CCDC172: variants seen among roughly 807,000 people sequenced by gnomAD.
CCDC172 encodes the protein coiled-coil domain containing 172.
Under a neutral mutation model 38.0 loss-of-function variants are expected in CCDC172, and 30 were observed. The observed-to-expected ratio is 0.79, with a 90% CI of 0.59 to 1.07. The LOEUF is 1.07. Ranked by LOEUF, CCDC172 falls within the 50% of genes least tolerant of loss-of-function variation. The probability of loss-of-function intolerance (pLI) is 0.00; values close to 1 mark genes in which losing one functional copy is unlikely to be tolerated. For synonymous variants in CCDC172, 78 were observed against 88.3 expected, an observed-to-expected ratio of 0.88 and a Z score of 0.66; for missense variants, 297 against 290.1, an observed-to-expected ratio of 1.02 and a Z score of -0.17.
chr10:116,354,197 C>T lies in CCDC172; in HGVS notation c.449-3183C>T, dbSNP rs566548980. Among the ~76,000 whole-genome samples the T allele has an allele frequency of 9.2e-5, 14 of 152,216 alleles. No individual in the cohort carries two copies. The South Asian group carries it at 2.9e-3, about 32-fold the overall frequency. On this transcript the variant is annotated intron_variant, in intron 5 of 8. Coordinates refer to ENST00000333254, the MANE Select transcript of CCDC172 (RefSeq NM_198515.3). ...TCGCAGTGTAAACAAACCTATTGTG[C>T]TGCCAGTCATATAAAAGTATAGCAC...
chr10:116,340,982 A>G, intron 4 of CCDC172, 132 bp downstream of exon 4: 1 of 657,732 alleles, frequency 1.5e-6, no homozygotes, highest in East Asian at 2.8e-5. Context: ...ACAGGAAAGT[A>G]TTAAGTGCTA....
At chr10:116,327,104 C>T (rs2568922) in intron 3 of CCDC172, among the ~76,000 whole-genome samples, 38,598 of 152,024 alleles carry the variant, frequency 0.25, 5,057 homozygotes, top group South Asian at 0.41. Context: ...GTATTAACTC[C>T]TTTAATCCTA....
At chr10:116,365,646 C>T (rs1233860701) in intron 7 of CCDC172, among the ~76,000 whole-genome samples, 1 of 152,052 alleles carries the variant, frequency 6.6e-6, no homozygotes, top group Non-Finnish European at 1.5e-5. Context: ...ATTAAGCATT[C>T]CTTTAGATTT....
chr10:116,334,750 G>A (rs1322306568), intron 3 of CCDC172, among the ~76,000 whole-genome samples: 3 of 151,952 alleles, frequency 2.0e-5, no homozygotes, highest in Non-Finnish European at 2.9e-5. Flanking sequence ...TCAAATTGCT[G>A]TGTCAATGGG....
intron 7 of CCDC172, among the ~76,000 whole-genome samples, chr10:116,361,619 T>C (rs1164523442): frequency 6.6e-6 from 1 of 152,110 alleles, no homozygotes; most frequent in Non-Finnish European, 1.5e-5. Flanking sequence ...AAAAAGGTAG[T>C]ATGGTTTGTG....
chr10:116,329,327 C>A (rs575854518), intron 3 of CCDC172, among the ~76,000 whole-genome samples: 1 of 141,546 alleles, frequency 7.1e-6, no homozygotes, highest in East Asian at 2.3e-4. Flanking sequence ...GGGTGTGAAC[C>A]TTTGTAATGG....
At chr10:116,350,344 A>G (rs1212924305) in intron 5 of CCDC172, among the ~76,000 whole-genome samples, 1 of 152,188 alleles carries the variant, frequency 6.6e-6, no homozygotes, top group African/African-American at 2.4e-5. Flanking sequence ...GATGCAGCAT[A>G]GAAGTGGTAA....
At chr10:116,326,009 G>A (rs1011189580) in intron 3 of CCDC172, among the ~76,000 whole-genome samples, 2 of 152,236 alleles carry the variant, frequency 1.3e-5, no homozygotes, top group Non-Finnish European at 2.9e-5. Context: ...GGAGGAGGCA[G>A]ATATGTGCAG....
At chr10:116,369,942 A>C (rs948036691) in intron 7 of CCDC172, among the ~76,000 whole-genome samples, 1 of 151,772 alleles carries the variant, frequency 6.6e-6, no homozygotes, top group Non-Finnish European at 1.5e-5. Context: ...TATATTTGCA[A>C]CTCTTCATTA....
At chr10:116,336,388 G>T (rs1844734262) in intron 3 of CCDC172, among the ~76,000 whole-genome samples, 1 of 16,072 alleles carries the variant, frequency 6.2e-5, no homozygotes, top group Middle Eastern at 0.021. Context: ...GAGAGGGAGT[G>T]GGGGTGAAAA....
chr10:116,357,846 T>C lies in CCDC172; in HGVS notation c.561T>C (p.Asp187=). Residue 187 remains aspartate, a synonymous_variant, in exon 7 of 9, where the codon GAT becomes GAC. Coordinates refer to ENST00000333254, the MANE Select transcript of CCDC172 (RefSeq NM_198515.3). ...TLQRKLKVFE[D]EENESICTTK... is the part of the protein sequence containing the mutation. ...TTTTGATTTGTTTAGTTTTTGAAGA[T>C]GAAGAGAATGAATCCATTTGTACTA... The C allele has an allele frequency of 1.4e-6, 2 of 1,474,074 alleles. No homozygotes were observed. The highest frequency in any genetic ancestry group is 2.5e-5 in the South Asian group (2 of 81,392). The allele number at this position is 1,474,074 out of a possible 1,614,324, so 91.3% of individuals were successfully genotyped here.
At chr10:116,379,165 A>G (rs1845282704) in intron 8 of CCDC172, among the ~76,000 whole-genome samples, 158 bp from the exon 9 acceptor site, 1 of 151,858 alleles carries the variant, frequency 6.6e-6, no homozygotes, top group African/African-American at 2.4e-5. Context: ...TGTTCAAAAA[A>G]TGTTTCAATA....
chr10:116,335,884 G>T (rs1844725362), intron 3 of CCDC172, among the ~76,000 whole-genome samples: 1 of 151,532 alleles, frequency 6.6e-6, no homozygotes, highest in East Asian at 1.9e-4. Context: ...TATAATAATG[G>T]GGCCAGGTGC....
intron 4 of CCDC172, among the ~76,000 whole-genome samples, chr10:116,341,459 G>C (rs1380049309): frequency 6.6e-6 from 1 of 151,966 alleles, no homozygotes; most frequent in East Asian, 1.9e-4. Context: ...TTGTCAAAGA[G>C]TTTAGGTTTT....
At chr10:116,348,195 G>C (rs1280519614) in intron 5 of CCDC172, among the ~76,000 whole-genome samples, 1 of 151,934 alleles carries the variant, frequency 6.6e-6, no homozygotes, top group African/African-American at 2.4e-5. Flanking sequence ...TGGTGGTGGT[G>C]GTGGTGGAGA....
chr10:116,357,791 A>G, intron 6 of CCDC172, 45 bp from the exon 7 acceptor site: 1 of 1,023,842 alleles, frequency 9.8e-7, no homozygotes, highest in Non-Finnish European at 1.5e-6. Context: ...GATAATCTTT[A>G]TGTTTAATTT....
chr10:116,335,031 T>C (rs1844711804), intron 3 of CCDC172, among the ~76,000 whole-genome samples: 1 of 152,078 alleles, frequency 6.6e-6, no homozygotes, highest in Non-Finnish European at 1.5e-5. Context: ...TTGCAAACTT[T>C]ATTATTTGTA....
At chr10:116,337,143 A>G (rs1472479302) in intron 3 of CCDC172, among the ~76,000 whole-genome samples, 1 of 138,518 alleles carries the variant, frequency 7.2e-6, no homozygotes, top group Non-Finnish European at 1.5e-5. Context: ...AAGCTTGGCT[A>G]TGTGATTCTA....
chr10:116,375,541 C>T (rs1348636876), intron 7 of CCDC172, among the ~76,000 whole-genome samples: 8 of 147,550 alleles, frequency 5.4e-5, no homozygotes, highest in Non-Finnish European at 8.9e-5. Flanking sequence ...TGAGAACATG[C>T]GGTGTTTGGT....
Sources: gnomAD v4.1 joint callset for allele counts (sites outside exome capture counted in the v4.1 genomes callset) on GRCh38, gnomAD v4.1.1 for gene constraint, MANE v1.5 for transcripts, NCBI Gene and HGNC (gene_info 2026-07-23, HGNC 2026-07-21) for gene names.